Variants in ADCY7 observed in about 807,000 individuals in gnomAD.
ADCY7 encodes adenylate cyclase 7, also known as adenylate cyclase type 7.
In ADCY7, 72 loss-of-function variants were observed where a neutral mutation model predicts 120.6. The ratio of observed to expected loss-of-function variants is 0.60; its 90% CI spans 0.49 to 0.73. ADCY7 has a LOEUF of 0.73. Among genes scored for constraint, ADCY7 ranks in the 30% least tolerant of loss-of-function variants. ADCY7 has a pLI of 0.00. For synonymous variants in ADCY7, 661 were observed against 628.0 expected (o/e 1.05, Z -0.78); for missense variants, 1,227 against 1,486.0 (o/e 0.83, Z 2.87).
chr16:50,314,155 G>C (rs2036646948), intron 23 of ADCY7, 93 bp downstream of exon 23: 1 of 1,431,448 alleles, frequency 7.0e-7, no homozygotes, highest in African/African-American at 1.4e-5. Flanking sequence ...ATCTCGTCCT[G>C]GGGGAGGGGC....
At chr16:50,280,054 CT>C (rs976053427) in intron 1 of ADCY7, among the ~76,000 whole-genome samples, 6 of 152,102 alleles carry the variant, frequency 3.9e-5, no homozygotes, top group African/African-American at 1.4e-4. Context: ...TAGAATTCAG[CT>C]GTGAATCCAT....
At chr16:50,250,801 A>G (rs1035440852) in intron 1 of ADCY7, among the ~76,000 whole-genome samples, 3 of 152,174 alleles carry the variant, frequency 2.0e-5, no homozygotes, top group Non-Finnish European at 2.9e-5. Flanking sequence ...TTGCAAGGCT[A>G]AAGAGGCACA....
rs771005559 is a variant in ADCY7 at position 50,309,586 on chromosome 16, C to T, written c.2100C>T (p.Gly700=). 3 of 1,613,764 alleles carry T rather than the reference C, an allele frequency of 1.9e-6. No homozygotes were observed. Among genetic ancestry groups the T allele is most frequent in the Non-Finnish European group, 2.5e-6 (3 of 1,179,992 alleles). Residue 700 remains glycine (G), a synonymous_variant, in exon 18 of 26, where the codon GGC becomes GGT. Transcript: ENST00000673801. Reference sequence around the variant, plus strand: ...TCCAAGTTCCAGAGCTGCCTGTTGGCAATGAGACAGGCCTACTGGCCGCGA... The same window carrying T: ...TCCAAGTTCCAGAGCTGCCTGTTGGTAATGAGACAGGCCTACTGGCCGCGA... The part of the protein sequence containing the change: ...MPFQVPELPV[G]NETGLLAASS...
At chr16:50,257,729 T>C (rs2150792651) in intron 1 of ADCY7, among the ~76,000 whole-genome samples, 1 of 151,146 alleles carries the variant, frequency 6.6e-6, no homozygotes, top group Non-Finnish European at 1.5e-5. Context: ...ATATTTATAT[T>C]TTATATATTA....
rs776187185 is a variant in ADCY7 at position 50,293,419 on chromosome 16, A to G, written c.753A>G (p.Glu251=). The G allele has an allele frequency of 1.8e-5, 29 of 1,613,868 alleles. No individual in the cohort carries two copies. Among genetic ancestry groups the G allele is most frequent in the Middle Eastern group, 1.6e-4 (1 of 6,082 alleles). The part of the protein sequence containing the change: ...ISMGMKLAII[E]RLKEHGDRRC... ...TGGGCATGAAGCTGGCCATCATCGAACGGCTCAAGGAGCATGGTGACCGTC... is the reference window on the plus strand; with the variant it reads ...TGGGCATGAAGCTGGCCATCATCGAGCGGCTCAAGGAGCATGGTGACCGTC... Residue 251 remains glutamate, a synonymous_variant, in exon 6 of 26, where the codon GAA becomes GAG. Coordinates refer to ENST00000673801, the MANE Select transcript of ADCY7 (RefSeq NM_001114.5).
At chr16:50,302,731 G>A (rs1038477955) in intron 10 of ADCY7, among the ~76,000 whole-genome samples, 7 of 152,078 alleles carry the variant, frequency 4.6e-5, no homozygotes, top group African/African-American at 1.2e-4. Flanking sequence ...GGATTTTCAC[G>A]GACACCGAGT....
rs1218355001 is a variant in ADCY7, at chr16:50,316,368, G to GA, written c.*866dup. 6.6e-6 allele frequency: 1 copy of GA among 152,482 alleles called. No individual in the cohort carries two copies. The highest frequency in any genetic ancestry group is 1.9e-4 in the East Asian group (1 of 5,318). 9.4% of individuals were successfully genotyped at this position (152,482 alleles called of 1,614,324 possible). On this transcript the variant is annotated 3_prime_UTR_variant, in exon 26 of 26. Transcript: ENST00000673801. ...CAAGCATTCTGGAGAGAGGTGCTTTGAAAGTAAGGTGCGGCCTTTCACCTC... is the reference window on the plus strand; with the variant it reads ...CAAGCATTCTGGAGAGAGGTGCTTTGAAAAGTAAGGTGCGGCCTTTCACCTC...
upstream of ADCY7, among the ~76,000 whole-genome samples, chr16:50,263,940 C>A (rs552535118): frequency 6.6e-6 from 1 of 152,300 alleles, no homozygotes; most frequent in East Asian, 1.9e-4. Flanking sequence ...ACCATGCCCT[C>A]CTGCATACGC....
Position 50,292,720 on chromosome 16 carries a change from C to G in ADCY7, c.582C>G (p.Gly194=), listed in dbSNP as rs551340289. The change falls in exon 5 of 26, where the codon GGC becomes GGG. Residue 194 remains glycine, a synonymous_variant. Coordinates refer to ENST00000673801, the MANE Select transcript of ADCY7 (RefSeq NM_001114.5). The stretch of plus-strand genomic sequence containing the variant: ...TCTTCCTGTGTGGGAACCTGACAGG[C>G]GCCTTCCACAAGCACCAAATGCAGG... ...AVIFLCGNLT[G]AFHKHQMQDA... 1.5e-5 allele frequency: 24 copies of G among 1,614,024 alleles called. No homozygotes were observed. The African/African-American group carries it at 3.2e-4, about 22-fold the overall frequency.
At chr16:50,313,820 C>G (rs1031709932) in intron 22 of ADCY7, 138 bp from the exon 23 acceptor site, 3 of 671,430 alleles carry the variant, frequency 4.5e-6, no homozygotes, top group African/African-American at 3.6e-5. Flanking sequence ...ATGCGCTCAG[C>G]TGGCAGGGCA....
chr16:50,283,619 T>C (rs551892342), intron 1 of ADCY7, among the ~76,000 whole-genome samples: 46 of 152,336 alleles, frequency 3.0e-4, no homozygotes, highest in African/African-American at 1.1e-3. Flanking sequence ...TGTGGACACC[T>C]TCCCCACAGG....
At chr16:50,286,545 C>T (rs143590894) in intron 1 of ADCY7, among the ~76,000 whole-genome samples, 3 of 152,128 alleles carry the variant, frequency 2.0e-5, no homozygotes, top group African/African-American at 7.2e-5. Context: ...CCTATGCCCC[C>T]CCACCTTCCC....
intron 1 of ADCY7, among the ~76,000 whole-genome samples, chr16:50,271,087 T>G (rs2033541290): frequency 6.6e-6 from 1 of 152,218 alleles, no homozygotes; most frequent in Non-Finnish European, 1.5e-5. Context: ...CACCCTCCGT[T>G]CCCTGCTCTC....
upstream of ADCY7, among the ~76,000 whole-genome samples, chr16:50,265,344 T>A (rs1485643932): frequency 1.4e-5 from 2 of 143,506 alleles, no homozygotes; most frequent in African/African-American, 2.5e-5. Flanking sequence ...CTCCCTCCTG[T>A]GGCCTCTGGA....
At chr16:50,275,933 A>G (rs1459850053) in intron 1 of ADCY7, among the ~76,000 whole-genome samples, 2 of 152,224 alleles carry the variant, frequency 1.3e-5, no homozygotes, top group East Asian at 3.8e-4. Flanking sequence ...GGTTCTCTGC[A>G]GGTTCTCAGA....
At chr16:50,307,242 A>G (rs1046830171) in intron 15 of ADCY7, 95 bp downstream of exon 15, 1 of 1,261,936 alleles carries the variant, frequency 7.9e-7, no homozygotes, top group Non-Finnish European at 1.1e-6. Flanking sequence ...TTTGGGCTGG[A>G]AGGGGTCGGC....
chr16:50,294,487 G>A (rs763757335), intron 6 of ADCY7, among the ~76,000 whole-genome samples, 153 bp from the exon 7 acceptor site: 9 of 152,180 alleles, frequency 5.9e-5, no homozygotes, highest in African/African-American at 1.9e-4. Context: ...GGCTGGGCGC[G>A]ACTCTCCCAT....
intron 1 of ADCY7, among the ~76,000 whole-genome samples, chr16:50,269,232 A>C (rs4238816): frequency 0.99 from 150,379 of 152,296 alleles, 74,266 homozygotes; most frequent in East Asian, 1. Flanking sequence ...TATCCTGAAT[A>C]ACCCAGCAGA....
chr16:50,313,649 T>C (rs1407214237), intron 22 of ADCY7: 2 of 319,426 alleles, frequency 6.3e-6, no homozygotes, highest in East Asian at 5.3e-5. Context: ...TCAGTTTGGG[T>C]TGAATTCTTT....
Sources: allele counts gnomAD v4.1 joint callset (sites outside exome capture counted in the v4.1 genomes callset), GRCh38; gene constraint gnomAD v4.1.1; transcripts MANE v1.5; gene names NCBI Gene and HGNC (gene_info 2026-07-23, HGNC 2026-07-21).